Variants in NRXN3 observed in about 807,000 individuals in gnomAD.
The protein encoded by NRXN3 is neurexin 3.
In NRXN3, 32 loss-of-function variants were observed where a neutral mutation model predicts 137.6. That is an observed-to-expected ratio of 0.23 (90% CI 0.18 to 0.31). The LOEUF is 0.31. Among genes scored for constraint, NRXN3 ranks in the 10% least tolerant of loss-of-function variants. The probability of loss-of-function intolerance (pLI) is 1.00; values close to 1 mark genes in which losing one functional copy is unlikely to be tolerated. For missense variants in NRXN3, 1,574 were observed against 2,062.5 expected (o/e 0.76, Z 4.59); for synonymous variants, 798 against 784.5 (o/e 1.02, Z -0.29).
chr14:78,634,574 A>G (rs2097550752), intron 4 of NRXN3, among the ~76,000 whole-genome samples: 1 of 152,242 alleles, frequency 6.6e-6, no homozygotes, highest in South Asian at 2.1e-4. Context: ...TGTAGAACCT[A>G]TAGTAGAGGA....
At chr14:79,262,522 G>C (rs577289799) in intron 15 of NRXN3, among the ~76,000 whole-genome samples, 169 of 151,206 alleles carry the variant, frequency 1.1e-3, no homozygotes, top group South Asian at 7.0e-3. Context: ...GAGGAGGAAA[G>C]AGGATGAGGA....
At chr14:79,310,005 C>A (rs2086917489) in intron 15 of NRXN3, among the ~76,000 whole-genome samples, 1 of 128,260 alleles carries the variant, frequency 7.8e-6, no homozygotes, top group Non-Finnish European at 1.6e-5. Context: ...GAAGTCCTTG[C>A]CCACGCCTAT....
At chr14:78,681,753 A>T (rs8005365) in intron 6 of NRXN3, among the ~76,000 whole-genome samples, 42,592 of 152,006 alleles carry the variant, frequency 0.28, 6,302 homozygotes, top group African/African-American at 0.38. Context: ...TTCGCACCCC[A>T]TGTATGTTCT....
At chr14:78,649,347 T>G in intron 5 of NRXN3, 1 of 1,085,804 alleles carries the variant, frequency 9.2e-7, no homozygotes, top group Non-Finnish European at 1.3e-6. Flanking sequence ...TTTTTTGGGT[T>G]TGCCGTGTGT....
intron 10 of NRXN3, among the ~76,000 whole-genome samples, chr14:78,888,133 A>T (rs2152688910): frequency 1.3e-5 from 2 of 152,224 alleles, no homozygotes; most frequent in South Asian, 4.1e-4. Context: ...CCTAATTTCC[A>T]GCTGCCAAGT....
chr14:79,327,835 G>A (rs1195327273), intron 15 of NRXN3, among the ~76,000 whole-genome samples: 2 of 152,188 alleles, frequency 1.3e-5, no homozygotes, highest in Non-Finnish European at 1.5e-5. Context: ...ATGGCATTTG[G>A]TTGCCTAAAA....
chr14:78,365,150 A>G (rs1324539655), intron 4 of NRXN3, among the ~76,000 whole-genome samples: 1 of 152,130 alleles, frequency 6.6e-6, no homozygotes, highest in Non-Finnish European at 1.5e-5. Flanking sequence ...GATCATGTAC[A>G]TGATTTATAA....
chr14:78,228,591 A>G (rs959029668), intron 1 of NRXN3, among the ~76,000 whole-genome samples: 3 of 152,178 alleles, frequency 2.0e-5, no homozygotes, highest in Admixed American at 6.5e-5. Flanking sequence ...TCCATACTGA[A>G]TCCTCACAAT....
At chr14:78,377,688 T>A (rs1352812297) in intron 4 of NRXN3, among the ~76,000 whole-genome samples, 3 of 152,224 alleles carry the variant, frequency 2.0e-5, no homozygotes, top group Admixed American at 1.3e-4. Context: ...TTGGCTTGCT[T>A]TCTCAATATG....
Position 78,978,675 on chromosome 14 carries a change from G to A in NRXN3, c.3143-9347G>A, listed in dbSNP as rs549620348. On this transcript the variant is annotated intron_variant, in intron 14 of 20. Coordinates refer to ENST00000335750, the MANE Select transcript of NRXN3 (RefSeq NM_001330195.2). ...GTATTAGTTAGGGTTCTCCAGAGAG[G>A]TATCATATATATCATATATAGGATA... is the stretch of plus-strand genomic sequence containing the variant. Among the ~76,000 whole-genome samples the A allele has an allele frequency of 9.5e-4, 141 of 147,884 alleles. 1 individual carries two copies. Among genetic ancestry groups the A allele is most frequent in the African/African-American group, 3.2e-3 (129 of 40,486 alleles).
chr14:79,538,432 C>T (rs538657519), intron 16 of NRXN3, among the ~76,000 whole-genome samples: 71 of 152,264 alleles, frequency 4.7e-4, no homozygotes, highest in African/African-American at 1.6e-3. Context: ...TCAGGTCTAA[C>T]ATTTAAGTCT....
intron 4 of NRXN3, among the ~76,000 whole-genome samples, chr14:78,381,465 T>C (rs1289367177): frequency 6.6e-6 from 1 of 152,186 alleles, no homozygotes; most frequent in Non-Finnish European, 1.5e-5. Context: ...GGATCACTCA[T>C]AGATTGCTGG....
intron 3 of NRXN3, among the ~76,000 whole-genome samples, chr14:78,284,268 G>T (rs2074855686): frequency 6.6e-6 from 1 of 152,114 alleles, no homozygotes; most frequent in South Asian, 2.1e-4. Flanking sequence ...TCAAAAGAAT[G>T]CAACCCTTCA....
chr14:79,055,685 G>T (rs1346102057), intron 15 of NRXN3, among the ~76,000 whole-genome samples: 1 of 152,156 alleles, frequency 6.6e-6, no homozygotes, highest in African/African-American at 2.4e-5. Flanking sequence ...GATGCTGTGG[G>T]AATAAATGGA....
At chr14:78,471,320 ACACACACACACACC>A (rs200275494) in intron 4 of NRXN3, among the ~76,000 whole-genome samples, 3,933 of 93,302 alleles carry the variant, frequency 0.042, 198 homozygotes, top group East Asian at 0.2. Flanking sequence ...ACACACACAC[ACACACACACACACC>A]CCCAAGAAAT....
chr14:78,772,266 G>A (rs1024238428), intron 8 of NRXN3, among the ~76,000 whole-genome samples: 1 of 152,146 alleles, frequency 6.6e-6, no homozygotes, highest in East Asian at 1.9e-4. Context: ...AAGAAGTGAA[G>A]CAATTTAAGG....
chr14:78,184,089 C>A (rs1446423935), intron 1 of NRXN3, among the ~76,000 whole-genome samples: 2 of 152,046 alleles, frequency 1.3e-5, no homozygotes, highest in African/African-American at 4.8e-5. Flanking sequence ...TAAGAAAACA[C>A]CAAAAACAAA....
intron 16 of NRXN3, among the ~76,000 whole-genome samples, chr14:79,549,621 G>C (rs937582340): frequency 6.6e-6 from 1 of 152,096 alleles, no homozygotes; most frequent in Non-Finnish European, 1.5e-5. Flanking sequence ...AGTGTGAGCA[G>C]GGGCAGCCTA....
At chr14:79,213,305 A>G (rs979830907) in intron 15 of NRXN3, among the ~76,000 whole-genome samples, 3 of 152,178 alleles carry the variant, frequency 2.0e-5, no homozygotes, top group Admixed American at 1.3e-4. Flanking sequence ...CTAAGAAACT[A>G]TAAAAAATGA....
Sources: allele counts gnomAD v4.1 joint callset (sites outside exome capture counted in the v4.1 genomes callset), GRCh38; gene constraint gnomAD v4.1.1; transcripts MANE v1.5; gene names NCBI Gene and HGNC (gene_info 2026-07-23, HGNC 2026-07-21).